The following MECOM variants were observed in gnomAD, a reference collection of about 807,000 sequenced individuals.
MECOM encodes histone-lysine N-methyltransferase MECOM.
A neutral mutation model predicts 116.3 loss-of-function variants in MECOM; 13 were observed. The ratio of observed to expected loss-of-function variants is 0.11; its 90% CI spans 0.07 to 0.18. The LOEUF (loss-of-function observed/expected upper bound fraction) is 0.18, where lower values mean the gene tolerates loss of function less well. MECOM is among the 10% of genes least tolerant of loss of function. The pLI, the probability that MECOM is intolerant of heterozygous loss-of-function variation, is 1.00. For synonymous variants in MECOM, 528 were observed against 535.2 expected (o/e 0.99, Z 0.19); for missense variants, 1,299 against 1,509.0 (o/e 0.86, Z 2.31).
chr3:169,592,832 CATACACAT>C (rs1327434106), intron 1 of MECOM, among the ~76,000 whole-genome samples: 2 of 150,492 alleles, frequency 1.3e-5, no homozygotes, highest in African/African-American at 4.9e-5. Context: ...CACATACACA[CATACACAT>C]ATACACATGG....
chr3:169,188,995 A>G (rs979559128), intron 2 of MECOM, among the ~76,000 whole-genome samples: 3 of 152,110 alleles, frequency 2.0e-5, no homozygotes, highest in Non-Finnish European at 4.4e-5. Context: ...GCATCCTATA[A>G]TGTGAATGTA....
Position 169,084,258 on chromosome 3 carries a change from T to G in MECOM, c.*651A>C, listed in dbSNP as rs1716987053. 1 of 231,228 alleles carries G rather than the reference T, an allele frequency of 4.3e-6. No homozygotes were observed. Among genetic ancestry groups the G allele is most frequent in the Non-Finnish European group, 8.6e-6 (1 of 116,848 alleles). 14.3% of individuals were successfully genotyped at this position (231,228 alleles called of 1,614,324 possible). On this transcript the variant is annotated 3_prime_UTR_variant, in exon 17 of 17. Coordinates refer to ENST00000651503, the MANE Select transcript of MECOM (RefSeq NM_004991.4). Reference sequence around the variant, plus strand: ...ACTGGTGATGAATAGGTTACTTCACTGACTTAACCTCTTTGAGTGTTAACA... The same window carrying G: ...ACTGGTGATGAATAGGTTACTTCACGGACTTAACCTCTTTGAGTGTTAACA...
intron 1 of MECOM, among the ~76,000 whole-genome samples, chr3:169,426,314 T>TG (rs1740679111): frequency 6.6e-6 from 1 of 152,200 alleles, no homozygotes; most frequent in South Asian, 2.1e-4. Context: ...CATGCTCCTT[T>TG]GGGAGACCCT....
intron 1 of MECOM, among the ~76,000 whole-genome samples, chr3:169,384,394 A>G (rs1732956922): frequency 6.6e-6 from 1 of 152,206 alleles, no homozygotes; most frequent in Non-Finnish European, 1.5e-5. Context: ...TCAGAGAAGT[A>G]TACTTTAAGG....
chr3:169,097,832 A>AAAAAAAAAAAAAAAAAAAAAAAG, intron 12 of MECOM, among the ~76,000 whole-genome samples: 1 of 149,294 alleles, frequency 6.7e-6, no homozygotes, highest in Non-Finnish European at 1.5e-5. Flanking sequence ...AAAAAAAAAA[A>AAAAAAAAAAAAAAAAAAAAAAAG]AAAAAAAAGG....
At chr3:169,316,602 G>A (rs1719785672) in intron 2 of MECOM, among the ~76,000 whole-genome samples, 1 of 152,178 alleles carries the variant, frequency 6.6e-6, no homozygotes, top group Non-Finnish European at 1.5e-5. Context: ...CCAGACTGGA[G>A]TGCAGTAGCA....
At chr3:169,408,225 G>A (rs1172796779) in intron 1 of MECOM, among the ~76,000 whole-genome samples, 1 of 152,202 alleles carries the variant, frequency 6.6e-6, no homozygotes, top group African/African-American at 2.4e-5. Context: ...AGGAGGCCAA[G>A]CATGCCATGA....
intron 1 of MECOM, among the ~76,000 whole-genome samples, chr3:169,509,281 C>T (rs1755671892): frequency 6.6e-6 from 1 of 152,168 alleles, no homozygotes; most frequent in Non-Finnish European, 1.5e-5. Context: ...TCTGAAGGCT[C>T]ATCTAGCTTG....
chr3:169,632,746 A>G (rs542259292), intron 1 of MECOM, among the ~76,000 whole-genome samples: 1 of 152,372 alleles, frequency 6.6e-6, no homozygotes, highest in South Asian at 2.1e-4. Context: ...CATGAAATTC[A>G]TGGCAACCTG....
intron 1 of MECOM, among the ~76,000 whole-genome samples, chr3:169,559,541 A>G (rs951186857): frequency 1.3e-5 from 2 of 152,330 alleles, no homozygotes; most frequent in South Asian, 2.1e-4. Flanking sequence ...AGCTCCAGTG[A>G]TATACCATGT....
At chr3:169,357,494 A>C (rs184851623) in intron 2 of MECOM, among the ~76,000 whole-genome samples, 1 of 151,920 alleles carries the variant, frequency 6.6e-6, no homozygotes, top group East Asian at 1.9e-4. Context: ...AAATAATATT[A>C]AAATTAAGAG....
chr3:169,493,820 G>C (rs753311048), intron 1 of MECOM, among the ~76,000 whole-genome samples: 2 of 152,118 alleles, frequency 1.3e-5, no homozygotes, highest in African/African-American at 2.4e-5. Context: ...ACAAGATAAA[G>C]GGCAGGAGAG....
chr3:169,419,285 G>C (rs1739292241), intron 1 of MECOM, among the ~76,000 whole-genome samples: 1 of 152,272 alleles, frequency 6.6e-6, no homozygotes, highest in Middle Eastern at 3.4e-3. Flanking sequence ...CTCATGGATA[G>C]GAAGAATCAA....
chr3:169,229,203 G>A (rs146413818), intron 2 of MECOM, among the ~76,000 whole-genome samples: 110 of 152,262 alleles, frequency 7.2e-4, no homozygotes, highest in African/African-American at 2.6e-3. Flanking sequence ...CCTTATACAG[G>A]AACTGAAGAG....
At chr3:169,344,189 C>T (rs1257473025) in intron 2 of MECOM, among the ~76,000 whole-genome samples, 4 of 151,974 alleles carry the variant, frequency 2.6e-5, no homozygotes, top group African/African-American at 4.8e-5. Context: ...GAATACTATA[C>T]TGCGTGTGTA....
At chr3:169,267,338 T>G (rs540682904) in intron 2 of MECOM, among the ~76,000 whole-genome samples, 83 of 152,332 alleles carry the variant, frequency 5.4e-4, no homozygotes, top group African/African-American at 1.9e-3. Flanking sequence ...CGGTGTCTAA[T>G]TTTTGCCTTT....
chr3:169,476,611 A>AG (rs1205244812), intron 1 of MECOM, among the ~76,000 whole-genome samples: 4 of 152,294 alleles, frequency 2.6e-5, no homozygotes, highest in Admixed American at 2.0e-4. Flanking sequence ...CTTCTGATAG[A>AG]GGTGTCGTTA....
intron 2 of MECOM, 88 bp from the exon 3 acceptor site, chr3:169,143,920 T>C (rs2149288523): frequency 7.2e-7 from 1 of 1,382,974 alleles, no homozygotes; most frequent in Non-Finnish European, 9.5e-7. Flanking sequence ...CATTGAAATG[T>C]ATATTCCTTC....
intron 2 of MECOM, among the ~76,000 whole-genome samples, chr3:169,282,882 G>T (rs1377460272): frequency 3.5e-5 from 5 of 144,174 alleles, no homozygotes; most frequent in African/African-American, 1.4e-4. Context: ...AGTAGAAACA[G>T]TTCTTAATTT....
Sources: gnomAD v4.1 joint callset for allele counts (sites outside exome capture counted in the v4.1 genomes callset) on GRCh38, gnomAD v4.1.1 for gene constraint, MANE v1.5 for transcripts, NCBI Gene and HGNC (gene_info 2026-07-23, HGNC 2026-07-21) for gene names.